The following TXNDC5 variants were observed in gnomAD, a reference collection of about 807,000 sequenced individuals.
TXNDC5 encodes the protein thioredoxin domain containing 5.
In TXNDC5, 44 loss-of-function variants were observed where a neutral mutation model predicts 52.6. That is an observed-to-expected ratio of 0.84 (90% CI 0.66 to 1.08). The LOEUF is 1.08. TXNDC5 is among the 50% of genes least tolerant of loss of function. The pLI is 0.00. For missense variants in TXNDC5, 600 were observed against 565.5 expected (o/e 1.06, Z -0.62); for synonymous variants, 241 against 234.4 (o/e 1.03, Z -0.26).
At chr6:7,896,803 G>T (rs1003179707) in intron 3 of TXNDC5, among the ~76,000 whole-genome samples, 1 of 152,200 alleles carries the variant, frequency 6.6e-6, no homozygotes, top group Non-Finnish European at 1.5e-5. Flanking sequence ...CTGGGTTCCT[G>T]GCAGACTCCA....
chr6:7,884,226 ACAACT>A (rs943924000), intron 9 of TXNDC5, 128 bp downstream of exon 9: 6 of 1,243,038 alleles, frequency 4.8e-6, no homozygotes, highest in African/African-American at 4.6e-5. Flanking sequence ...CTCCAAACAA[ACAACT>A]CAAAGGGACA....
chr6:7,902,612 C>T (rs1458716175), intron 2 of TXNDC5, among the ~76,000 whole-genome samples: 4 of 151,874 alleles, frequency 2.6e-5, no homozygotes, highest in Middle Eastern at 3.4e-3. Flanking sequence ...TGCCCCAGTG[C>T]GACCACATTG....
rs763092237 is a variant in TXNDC5 at position 7,884,420 on chromosome 6, G to A, written c.1115C>T (p.Ala372Val). Reference sequence around the variant, plus strand: ...GTCTACTTCGGCGATCTTGACCCCCGCCAGACCAGGGAATTCCTTTTTAGA... The same window carrying A: ...GTCTACTTCGGCGATCTTGACCCCCACCAGACCAGGGAATTCCTTTTTAGA... The part of the protein sequence containing the change: ...ELSKKEFPGL[A>V]GVKIAEVDCT... The change falls in exon 9 of 10, where the codon GCG becomes GTG. Residue 372 changes from alanine (A) to valine (V), a missense_variant. Ala to Val is a moderately conservative substitution (Grantham distance 64). Transcript: ENST00000379757. 7.4e-6 allele frequency: 12 copies of A among 1,613,912 alleles called. No homozygotes were observed. The highest frequency in any genetic ancestry group is 5.3e-5 in the African/African-American group (4 of 74,860).
At chr6:7,903,911 A>T (rs1033258028) in intron 2 of TXNDC5, among the ~76,000 whole-genome samples, 3 of 152,194 alleles carry the variant, frequency 2.0e-5, no homozygotes, top group African/African-American at 7.2e-5. Context: ...AAGCAGGGCC[A>T]GTCAGTGGTG....
chr6:7,893,708 T>C (rs958424160), intron 4 of TXNDC5, among the ~76,000 whole-genome samples: 14 of 152,152 alleles, frequency 9.2e-5, no homozygotes, highest in African/African-American at 3.1e-4. Flanking sequence ...TTAGCAAAAG[T>C]GGGAAAAGGC....
chr6:7,884,104 C>T (rs533945327), intron 9 of TXNDC5, among the ~76,000 whole-genome samples: 16 of 152,308 alleles, frequency 1.1e-4, no homozygotes, highest in Admixed American at 9.1e-4. Context: ...TGTTACTTCA[C>T]GGCCTTGTTA....
In TXNDC5 at chr6:7,895,213, G is replaced by A. The variant is rs1342724979; in HGVS notation, c.520-11C>T. 2 of 1,608,444 alleles carry A rather than the reference G, an allele frequency of 1.2e-6. No homozygotes were observed. Among genetic ancestry groups the A allele is most frequent in the Admixed American group, 1.7e-5 (1 of 59,370 alleles). Reference sequence around the variant, plus strand: ...TTCCGGCTCTGGTGTCTAACAGGAGGAAATAAAACAGTCATGGGTGTGTCA... The same window carrying A: ...TTCCGGCTCTGGTGTCTAACAGGAGAAAATAAAACAGTCATGGGTGTGTCA... On this transcript the variant is annotated splice_polypyrimidine_tract_variant and intron_variant, in intron 3 of 9. Coordinates refer to ENST00000379757, the MANE Select transcript of TXNDC5 (RefSeq NM_030810.5).
At chr6:7,904,797 C>T in intron 1 of TXNDC5, 74 bp from the exon 2 acceptor site, 1 of 1,583,182 alleles carries the variant, frequency 6.3e-7, no homozygotes, top group South Asian at 1.1e-5. Flanking sequence ...TCAGCTCTGT[C>T]CAGGGGACAA....
chr6:7,906,535 CAAAAAA>C (rs1207193194), intron 1 of TXNDC5, among the ~76,000 whole-genome samples: 1 of 42,572 alleles, frequency 2.3e-5, no homozygotes, highest in Admixed American at 3.2e-4. Context: ...GACTCCATCT[CAAAAAA>C]AAAAAAAAAA....
intron 7 of TXNDC5, among the ~76,000 whole-genome samples, chr6:7,888,080 G>A (rs937934445): frequency 2.0e-5 from 3 of 152,154 alleles, no homozygotes; most frequent in African/African-American, 7.2e-5. Flanking sequence ...GCAGGAAACC[G>A]GTCTTATTTT....
At chr6:7,891,536 G>T in intron 5 of TXNDC5, 85 bp downstream of exon 5, 2 of 1,103,834 alleles carry the variant, frequency 1.8e-6, no homozygotes, top group Non-Finnish European at 1.3e-6. Flanking sequence ...TTGCGACTTT[G>T]CACACGGAAT....
At chr6:7,905,178 T>A (rs576913714) in intron 1 of TXNDC5, among the ~76,000 whole-genome samples, 1 of 152,288 alleles carries the variant, frequency 6.6e-6, no homozygotes, top group African/African-American at 2.4e-5. Context: ...TCAGGTTTAG[T>A]TTGGGTGTCA....
At chr6:7,899,520 G>T in intron 3 of TXNDC5, 56 bp downstream of exon 3, 2 of 1,276,690 alleles carry the variant, frequency 1.6e-6, no homozygotes, top group Non-Finnish European at 2.2e-6. Context: ...CCCCAAAGAT[G>T]TAGGCAGGGA....
chr6:7,902,210 G>A (rs1370713653), intron 2 of TXNDC5, among the ~76,000 whole-genome samples: 1 of 152,158 alleles, frequency 6.6e-6, no homozygotes, highest in Non-Finnish European at 1.5e-5. Context: ...AGGACCTCTG[G>A]CCTCCAGGAC....
intron 8 of TXNDC5, among the ~76,000 whole-genome samples, chr6:7,885,499 A>G (rs141077653): frequency 8.5e-5 from 13 of 152,326 alleles, no homozygotes; most frequent in African/African-American, 2.6e-4. Flanking sequence ...TGCGTAGCAT[A>G]CTGAATGGCT....
At chr6:7,893,919 T>G (rs1424200272) in intron 4 of TXNDC5, among the ~76,000 whole-genome samples, 1 of 152,198 alleles carries the variant, frequency 6.6e-6, no homozygotes, top group Non-Finnish European at 1.5e-5. Context: ...TTCAAGTCAT[T>G]CGGTGTTGGG....
chr6:7,889,151 G>C (rs1260122481), intron 6 of TXNDC5: 4 of 450,364 alleles, frequency 8.9e-6, no homozygotes, highest in Non-Finnish European at 1.6e-5. Flanking sequence ...CCATCGGCCA[G>C]GGAAGGAGGG....
At chr6:7,905,914 T>C (rs1760714659) in intron 1 of TXNDC5, among the ~76,000 whole-genome samples, 1 of 152,218 alleles carries the variant, frequency 6.6e-6, no homozygotes, top group South Asian at 2.1e-4. Flanking sequence ...ATCTGTTAAA[T>C]CTCCTTTTAT....
intron 2 of TXNDC5, among the ~76,000 whole-genome samples, chr6:7,904,363 T>C (rs1181407159): frequency 6.6e-6 from 1 of 152,140 alleles, no homozygotes; most frequent in Non-Finnish European, 1.5e-5. Context: ...CATTCTCTTA[T>C]AAACAGGAAA....
Sources: gnomAD v4.1 joint callset for allele counts (sites outside exome capture counted in the v4.1 genomes callset) on GRCh38, gnomAD v4.1.1 for gene constraint, MANE v1.5 for transcripts, NCBI Gene and HGNC (gene_info 2026-07-23, HGNC 2026-07-21) for gene names.